The following PNISR variants were observed in gnomAD, a reference collection of about 807,000 sequenced individuals.
The protein encoded by PNISR is PNN interacting serine and arginine rich protein.
A neutral mutation model predicts 93.4 loss-of-function variants in PNISR; 20 were observed. That is an observed-to-expected ratio of 0.21 (90% CI 0.15 to 0.31). The LOEUF (loss-of-function observed/expected upper bound fraction) is 0.31, where lower values mean the gene tolerates loss of function less well. PNISR is among the 10% of genes least tolerant of loss of function. The pLI is 1.00. For synonymous variants in PNISR, 305 were observed against 306.5 expected, an observed-to-expected ratio of 0.99 and a Z score of 0.05; for missense variants, 893 against 985.4, an observed-to-expected ratio of 0.91 and a Z score of 1.25.
At chr6:99,401,709 T>G (rs911987194) in intron 11 of PNISR, 79 bp from the exon 12 acceptor site, 1 of 1,140,912 alleles carries the variant, frequency 8.8e-7, no homozygotes, top group Admixed American at 3.3e-5. Context: ...GCTACCAGAC[T>G]GTAACAATAG....
chr6:99,402,872 G>C, intron 10 of PNISR, 162 bp from the exon 11 acceptor site: 1 of 471,522 alleles, frequency 2.1e-6, no homozygotes. Flanking sequence ...CGCTTAAGGA[G>C]TTCACAGAAC....
intron 7 of PNISR, among the ~76,000 whole-genome samples, chr6:99,406,738 G>A (rs886702984): frequency 6.6e-6 from 1 of 152,110 alleles, no homozygotes; most frequent in Non-Finnish European, 1.5e-5. Context: ...TTAAACAAAT[G>A]CCAGCAGTTT....
intron 1 of PNISR, among the ~76,000 whole-genome samples, chr6:99,416,753 C>T (rs895168040): frequency 6.6e-6 from 1 of 152,074 alleles, no homozygotes; most frequent in African/African-American, 2.4e-5. Context: ...TCTCATCCAC[C>T]TATTATTAAC....
At chr6:99,422,097 C>T (rs1396302345) in intron 1 of PNISR, among the ~76,000 whole-genome samples, 1 of 152,064 alleles carries the variant, frequency 6.6e-6, no homozygotes, top group Non-Finnish European at 1.5e-5. Context: ...AAACTTCTGG[C>T]CTCAATGATC....
chr6:99,414,123 T>C (rs13213403), intron 3 of PNISR, among the ~76,000 whole-genome samples: 5 of 152,184 alleles, frequency 3.3e-5, no homozygotes, highest in Non-Finnish European at 7.3e-5. Flanking sequence ...TTAACAATTG[T>C]TAAAGCTAAA....
intron 3 of PNISR, among the ~76,000 whole-genome samples, chr6:99,413,414 CCATCCATCCATCCATCCATCCATT>C (rs1777233744): frequency 6.6e-6 from 1 of 151,624 alleles, no homozygotes; most frequent in Non-Finnish European, 1.5e-5. Flanking sequence ...ATCCATCCAT[CCATCCATCCATCCATCCATCCATT>C]CATCCATGAT....
intron 3 of PNISR, 50 bp from the exon 4 acceptor site, chr6:99,412,789 G>C: frequency 1.8e-6 from 2 of 1,087,656 alleles, no homozygotes; most frequent in Non-Finnish European, 2.6e-6. Flanking sequence ...GGAGTTAAAA[G>C]AATAGTGCCT....
Position 99,409,283 on chromosome 6 carries a change from G to T in PNISR, c.563C>A (p.Pro188His). ...GFHPPYWQPG[P>H]PGPPAPPQNR... is the part of the protein sequence containing the mutation. Reference sequence around the variant, plus strand: ...CTGGGGAGGTGCTGGAGGTCCTGGAGGTCCTGGTTGCCAATAAGGAGGATG... The same window carrying T: ...CTGGGGAGGTGCTGGAGGTCCTGGATGTCCTGGTTGCCAATAAGGAGGATG... The change falls in exon 6 of 12, where the codon CCT (proline) becomes CAT (histidine). Residue 188 changes from proline (P) to histidine (H), a missense_variant. Transcript: ENST00000369239. The T allele has an allele frequency of 6.2e-7, 1 of 1,613,704 alleles. No individual in the cohort carries two copies. The highest frequency in any genetic ancestry group is 8.5e-7 in the Non-Finnish European group (1 of 1,179,776).
At chr6:99,404,937 C>T (rs1775970924) in intron 8 of PNISR, among the ~76,000 whole-genome samples, 1 of 151,992 alleles carries the variant, frequency 6.6e-6, no homozygotes, top group Admixed American at 6.6e-5. Flanking sequence ...CACCACCACA[C>T]CCAGCTAATT....
chr6:99,417,752 G>C (rs1035421446), intron 1 of PNISR, among the ~76,000 whole-genome samples: 47 of 152,090 alleles, frequency 3.1e-4, no homozygotes, highest in Non-Finnish European at 5.9e-5. Context: ...GATTACCTGA[G>C]GTCAGGCATT....
At chr6:99,407,084 C>T (rs188343652) in intron 7 of PNISR, among the ~76,000 whole-genome samples, 75 of 152,024 alleles carry the variant, frequency 4.9e-4, no homozygotes, top group African/African-American at 1.7e-3. Context: ...CTTTGGGGGG[C>T]CGAGGTGGGA....
intron 5 of PNISR, chr6:99,410,286 T>C (rs1776745336): frequency 2.5e-5 from 4 of 162,342 alleles, no homozygotes; most frequent in Admixed American, 2.4e-4. Flanking sequence ...TAACATGTCA[T>C]GTCAGAATGG....
At position 99,400,961 on chromosome 6, in the gene PNISR, TTCC is replaced by T; in HGVS notation, c.1994_1996del (p.Arg665del). On this transcript the variant is annotated inframe_deletion, in exon 12 of 12. Coordinates refer to ENST00000369239, the MANE Select transcript of PNISR (RefSeq NM_032870.4). Reference sequence around the variant, plus strand: ...ATCTATACTTCGACTCCTCTCCTTTTTCCTCTCTTGTTCTTTAGCCTCACCTTT... The same window carrying T: ...ATCTATACTTCGACTCCTCTCCTTTTTCTCTTGTTCTTTAGCCTCACCTTT... The T allele has an allele frequency of 1.9e-6, 3 of 1,603,238 alleles. No individual in the cohort carries two copies. Among genetic ancestry groups the T allele is most frequent in the Non-Finnish European group, 2.6e-6 (3 of 1,170,204 alleles).
intron 4 of PNISR, chr6:99,412,335 A>G (rs1777047590): frequency 1.5e-6 from 1 of 666,918 alleles, no homozygotes; most frequent in Non-Finnish European, 2.8e-6. Flanking sequence ...ATGAAGAACC[A>G]AGAAAAGAAT....
intron 11 of PNISR, among the ~76,000 whole-genome samples, chr6:99,402,217 T>C (rs556690763): frequency 6.6e-6 from 1 of 152,366 alleles, no homozygotes; most frequent in South Asian, 2.1e-4. Context: ...AAAAAACTTC[T>C]AGGTTCTCTA....
rs1296614965 is a variant in PNISR, at chr6:99,399,959, A to T, written c.*581T>A. The stretch of plus-strand genomic sequence containing the variant: ...GATTAAAACCATAAAATTAAGGTGC[A>T]AGAGTTTAACAAAAATGAACTAAAG... On this transcript the variant is annotated 3_prime_UTR_variant, in exon 12 of 12. Coordinates refer to ENST00000369239, the MANE Select transcript of PNISR (RefSeq NM_032870.4). 6.6e-6 allele frequency: 1 copy of T among 152,218 alleles called. No individual in the cohort carries two copies. Among genetic ancestry groups the T allele is most frequent in the Non-Finnish European group, 1.5e-5 (1 of 68,042 alleles). The allele number at this position is 152,218 out of a possible 1,614,324, so 9.4% of individuals were successfully genotyped here.
intron 4 of PNISR, 56 bp from the exon 5 acceptor site, chr6:99,411,020 C>A: frequency 1.5e-6 from 2 of 1,317,368 alleles, no homozygotes; most frequent in South Asian, 1.2e-5. Flanking sequence ...AAAATCAACA[C>A]AGAATTTTAA....
At chr6:99,424,411 TA>T (rs36093339) in intron 1 of PNISR, among the ~76,000 whole-genome samples, 71 of 148,232 alleles carry the variant, frequency 4.8e-4, no homozygotes, top group Middle Eastern at 3.5e-3. Context: ...ATTAGTAAGT[TA>T]AAAAAAAAAA....
At chr6:99,415,760 T>C (rs1777603176) in intron 2 of PNISR, 1 of 152,118 alleles carries the variant, frequency 6.6e-6, no homozygotes, top group African/African-American at 2.4e-5. Flanking sequence ...AAAAACAAGA[T>C]AAAAGCAAGC....
Sources: gnomAD v4.1 joint callset for allele counts (sites outside exome capture counted in the v4.1 genomes callset) on GRCh38, gnomAD v4.1.1 for gene constraint, MANE v1.5 for transcripts, NCBI Gene and HGNC (gene_info 2026-07-23, HGNC 2026-07-21) for gene names.